The following MEMO1 variants were observed in gnomAD, a reference collection of about 807,000 sequenced individuals.
MEMO1 encodes mediator of cell motility 1, also known as protein MEMO1.
MEMO1 carries 6 observed loss-of-function variants against 45.2 expected under a neutral mutation model. The ratio of observed to expected loss-of-function variants is 0.13; its 90% CI spans 0.07 to 0.26. The LOEUF (loss-of-function observed/expected upper bound fraction) is 0.26. Ranked by LOEUF, MEMO1 falls within the 10% of genes least tolerant of loss-of-function variation. The pLI, the probability that MEMO1 is intolerant of heterozygous loss-of-function variation, is 1.00. For synonymous variants in MEMO1, 78 were observed against 124.3 expected (o/e 0.63, Z 2.48); for missense variants, 184 against 370.5 (o/e 0.50, Z 4.13).
intron 2 of MEMO1, 134 bp from the exon 3 acceptor site, chr2:31,943,517 G>T: frequency 1.4e-6 from 1 of 689,990 alleles, no homozygotes; most frequent in Non-Finnish European, 2.6e-6. Flanking sequence ...CAGTTGGGAT[G>T]TTAATGTTTG....
chr2:31,994,124 C>T (rs1672284232), intron 2 of MEMO1, among the ~76,000 whole-genome samples: 2 of 149,642 alleles, frequency 1.3e-5, no homozygotes, highest in East Asian at 2.0e-4. Context: ...CCACGCCTGG[C>T]TAATTTTTGT....
chr2:32,000,949 C>T (rs1673226770), intron 2 of MEMO1, among the ~76,000 whole-genome samples: 1 of 151,960 alleles, frequency 6.6e-6, no homozygotes, highest in South Asian at 2.1e-4. Flanking sequence ...TCAGCAGTGC[C>T]TTTCACATAG....
intron 6 of MEMO1, among the ~76,000 whole-genome samples, chr2:31,902,184 A>T (rs1678942599): frequency 1.3e-5 from 2 of 152,222 alleles, no homozygotes; most frequent in Admixed American, 6.5e-5. Context: ...TGGGAGGCAG[A>T]GGAGGGCGGA....
rs186267757 is a variant in MEMO1 at position 31,960,829 on chromosome 2, G to A, written c.62-17446C>T. Among the ~76,000 whole-genome samples the A allele has an allele frequency of 5.8e-3, 876 of 151,988 alleles. 9 individuals carry two copies. Among genetic ancestry groups the A allele is most frequent in the African/African-American group, 0.016 (655 of 41,500 alleles). ...TTGAGCTCCTGACCTCAAGTGATCC[G>A]CCCGCCTCAGCCTACCAAAGTGCTA... On this transcript the variant is annotated intron_variant, in intron 2 of 9. Coordinates refer to ENST00000404530, the MANE Select transcript of MEMO1 (RefSeq NM_001301833.4).
At chr2:31,872,668 CAG>C (rs1320544150) in intron 8 of MEMO1, among the ~76,000 whole-genome samples, 1 of 151,870 alleles carries the variant, frequency 6.6e-6, no homozygotes, top group African/African-American at 2.4e-5. Flanking sequence ...AATTACAAGA[CAG>C]AAAATAAAAA....
intron 6 of MEMO1, among the ~76,000 whole-genome samples, chr2:31,913,201 A>T (rs192310991): frequency 7.0e-6 from 1 of 142,712 alleles, no homozygotes; most frequent in Non-Finnish European, 1.5e-5. Flanking sequence ...GAGGCGGAGG[A>T]TGCAGTGAGC....
chr2:32,005,867 C>T (rs1674004297), intron 2 of MEMO1, among the ~76,000 whole-genome samples: 1 of 152,034 alleles, frequency 6.6e-6, no homozygotes, highest in African/African-American at 2.4e-5. Flanking sequence ...CCTGGCTTAC[C>T]TCATATACAG....
At chr2:31,976,301 G>C (rs1669997306) in intron 2 of MEMO1, among the ~76,000 whole-genome samples, 1 of 152,164 alleles carries the variant, frequency 6.6e-6, no homozygotes, top group Non-Finnish European at 1.5e-5. Context: ...TTTTCAGCCA[G>C]GCATGGTGGC....
intron 3 of MEMO1, among the ~76,000 whole-genome samples, chr2:31,942,930 T>C (rs1558521781): frequency 6.6e-6 from 1 of 152,356 alleles, no homozygotes; most frequent in East Asian, 1.9e-4. Context: ...TTTTAATTTT[T>C]AGTTCAATCT....
At chr2:31,888,868 TAACTC>T (rs1676548839) in intron 7 of MEMO1, among the ~76,000 whole-genome samples, 1 of 152,070 alleles carries the variant, frequency 6.6e-6, no homozygotes, top group Admixed American at 6.6e-5. Flanking sequence ...TCCCTTGGCT[TAACTC>T]AACTAGAAAG....
chr2:31,899,897 G>A (rs1340370233), intron 6 of MEMO1, among the ~76,000 whole-genome samples: 1 of 152,190 alleles, frequency 6.6e-6, no homozygotes, highest in Non-Finnish European at 1.5e-5. Context: ...CTCAAAAGAA[G>A]ACATTTATGT....
At chr2:31,982,038 C>T (rs960789264) in intron 2 of MEMO1, among the ~76,000 whole-genome samples, 6 of 152,170 alleles carry the variant, frequency 3.9e-5, no homozygotes, top group African/African-American at 1.2e-4. Context: ...GTGGCTCATG[C>T]CTGTAATCCC....
chr2:31,923,460 A>T, intron 4 of MEMO1: 1 of 600,710 alleles, frequency 1.7e-6, no homozygotes, highest in South Asian at 5.5e-5. Flanking sequence ...TCAAAAAAAA[A>T]GTCAAATCTA....
intron 5 of MEMO1, among the ~76,000 whole-genome samples, chr2:31,920,273 A>G (rs1022907372): frequency 6.6e-6 from 1 of 152,126 alleles, no homozygotes; most frequent in Admixed American, 6.5e-5. Context: ...CCTATGGAAA[A>G]AAATAAATCA....
chr2:31,880,134 T>C (rs1474524061), intron 8 of MEMO1, among the ~76,000 whole-genome samples: 1 of 152,242 alleles, frequency 6.6e-6, no homozygotes, highest in Non-Finnish European at 1.5e-5. Context: ...TCCTCAATAC[T>C]GCACAGAGTA....
intron 6 of MEMO1, among the ~76,000 whole-genome samples, chr2:31,912,473 AT>A (rs1680717153): frequency 6.7e-6 from 1 of 148,570 alleles, no homozygotes; most frequent in Non-Finnish European, 1.5e-5. Context: ...AGATCATGCC[AT>A]TGCACTCCAG....
At chr2:31,993,949 C>CTTTCTTTT (rs1672252339) in intron 2 of MEMO1, among the ~76,000 whole-genome samples, 1 of 73,556 alleles carries the variant, frequency 1.4e-5, no homozygotes, top group Non-Finnish European at 2.7e-5. Context: ...TCAATACTTT[C>CTTTCTTTT]TTTTTTTTTT....
chr2:31,989,402 G>A (rs1017298679), intron 2 of MEMO1, among the ~76,000 whole-genome samples: 1 of 152,192 alleles, frequency 6.6e-6, no homozygotes, highest in Non-Finnish European at 1.5e-5. Flanking sequence ...AGAGAATGGT[G>A]ACGATATTAA....
chr2:31,902,755 G>C (rs921129177), intron 6 of MEMO1, among the ~76,000 whole-genome samples: 1 of 150,246 alleles, frequency 6.7e-6, no homozygotes, highest in Admixed American at 6.6e-5. Context: ...TGTTTGTTTT[G>C]TTTTTTTTTG....
Sources: gnomAD v4.1 joint callset for allele counts (sites outside exome capture counted in the v4.1 genomes callset) on GRCh38, gnomAD v4.1.1 for gene constraint, MANE v1.5 for transcripts, NCBI Gene and HGNC (gene_info 2026-07-23, HGNC 2026-07-21) for gene names.